Variants in MAST4 observed in about 807,000 individuals in gnomAD.
MAST4 encodes microtubule-associated serine/threonine-protein kinase 4.
In MAST4, 89 loss-of-function variants were observed where a neutral mutation model predicts 162.7. That is an observed-to-expected ratio of 0.55 (90% confidence interval 0.46 to 0.65). The LOEUF (loss-of-function observed/expected upper bound fraction) is 0.65. MAST4 is among the 30% of genes least tolerant of loss of function. MAST4 has a pLI of 0.00. For missense variants in MAST4, 3,153 were observed against 3,374.0 expected, an observed-to-expected ratio of 0.93 and a Z score of 1.62; for synonymous variants, 1,479 against 1,361.1, an observed-to-expected ratio of 1.09 and a Z score of -1.91.
chr5:67,077,394 C>T (rs1422203304), intron 5 of MAST4, among the ~76,000 whole-genome samples: 1 of 152,122 alleles, frequency 6.6e-6, no homozygotes, highest in Non-Finnish European at 1.5e-5. Context: ...GTTAAGATCA[C>T]TGTTCTAAAG....
chr5:67,028,667 A>G (rs764149893), intron 4 of MAST4, among the ~76,000 whole-genome samples: 2 of 152,164 alleles, frequency 1.3e-5, no homozygotes, highest in Non-Finnish European at 2.9e-5. Flanking sequence ...CCTGTTAGAC[A>G]ATGGTACCAA....
At chr5:66,997,562 G>C (rs889151142) in intron 4 of MAST4, among the ~76,000 whole-genome samples, 2 of 151,258 alleles carry the variant, frequency 1.3e-5, no homozygotes, top group Non-Finnish European at 2.9e-5. Context: ...CTCCCAACTA[G>C]CTGGGATTAC....
intron 4 of MAST4, among the ~76,000 whole-genome samples, chr5:66,908,077 T>C (rs180968685): frequency 6.6e-6 from 1 of 152,276 alleles, no homozygotes; most frequent in African/African-American, 2.4e-5. Context: ...GCATTTAAAG[T>C]GGCATGTTTA....
chr5:67,020,006 ATCTTTAATC>A (rs1753781537), intron 4 of MAST4, among the ~76,000 whole-genome samples: 2 of 152,206 alleles, frequency 1.3e-5, no homozygotes, highest in African/African-American at 4.8e-5. Context: ...TGAAAATAGA[ATCTTTAATC>A]TCTTGAGGGG....
intron 4 of MAST4, among the ~76,000 whole-genome samples, chr5:66,934,459 G>T (rs1742498462): frequency 6.6e-6 from 1 of 152,078 alleles, no homozygotes; most frequent in Non-Finnish European, 1.5e-5. Flanking sequence ...ACATGGCACT[G>T]AAATCATGGG....
intron 4 of MAST4, among the ~76,000 whole-genome samples, chr5:67,052,054 G>A (rs998179971): frequency 6.6e-6 from 1 of 152,126 alleles, no homozygotes; most frequent in Non-Finnish European, 1.5e-5. Context: ...TTGTCAATAA[G>A]ATATACCTTC....
intron 1 of MAST4, among the ~76,000 whole-genome samples, chr5:66,676,236 C>T (rs1443034854): frequency 3.3e-5 from 5 of 152,080 alleles, no homozygotes; most frequent in Non-Finnish European, 7.3e-5. Flanking sequence ...GTGGTGTGTC[C>T]GTGGAGGGGA....
At chr5:66,770,432 G>T (rs114758325) in intron 2 of MAST4, among the ~76,000 whole-genome samples, 16 of 152,258 alleles carry the variant, frequency 1.1e-4, no homozygotes, top group Middle Eastern at 3.4e-3. Flanking sequence ...GCCTTCTGCC[G>T]GAGCTCATCT....
chr5:67,142,806 CT>C (rs772732849), intron 21 of MAST4: 24 of 310,984 alleles, frequency 7.7e-5, no homozygotes, highest in Non-Finnish European at 1.2e-4. Context: ...CTCTGATCCC[CT>C]TCAGGAACCC....
intron 3 of MAST4, among the ~76,000 whole-genome samples, chr5:66,892,080 A>G (rs1561419994): frequency 2.6e-5 from 4 of 152,292 alleles, no homozygotes; most frequent in African/African-American, 9.6e-5. Context: ...AGCAAACATC[A>G]TTTTGCATCT....
At chr5:66,718,749 T>C (rs1407533793) in intron 1 of MAST4, among the ~76,000 whole-genome samples, 1 of 152,194 alleles carries the variant, frequency 6.6e-6, no homozygotes, top group Non-Finnish European at 1.5e-5. Context: ...TTATCCTCCT[T>C]GAATCTTCTT....
intron 4 of MAST4, among the ~76,000 whole-genome samples, chr5:66,980,827 T>C (rs1748713270): frequency 6.6e-6 from 1 of 152,214 alleles, no homozygotes; most frequent in Non-Finnish European, 1.5e-5. Flanking sequence ...GAATAAATGC[T>C]CTGGCTGGGC....
intron 6 of MAST4, among the ~76,000 whole-genome samples, chr5:67,092,568 G>A (rs1337222148): frequency 6.6e-6 from 1 of 151,940 alleles, no homozygotes; most frequent in Non-Finnish European, 1.5e-5. Flanking sequence ...TTTCCCTGGC[G>A]GTAAAATGGA....
intron 6 of MAST4, 150 bp from the exon 7 acceptor site, chr5:67,095,447 T>C: frequency 1.9e-6 from 1 of 533,170 alleles, no homozygotes; most frequent in East Asian, 2.8e-5. Flanking sequence ...TACTGTATAA[T>C]GTTTGTTTAC....
chr5:66,662,075 CT>C (rs34694800), intron 1 of MAST4, among the ~76,000 whole-genome samples: 166 of 144,256 alleles, frequency 1.2e-3, no homozygotes, highest in South Asian at 1.8e-3. Flanking sequence ...TAGTTAATCC[CT>C]TTTTTTTTTT....
At chr5:67,146,885 A>G (rs1185040183) in intron 23 of MAST4, among the ~76,000 whole-genome samples, 1 of 152,140 alleles carries the variant, frequency 6.6e-6, no homozygotes, top group Non-Finnish European at 1.5e-5. Flanking sequence ...TCATATGTAG[A>G]TATCTTGGTA....
At chr5:67,161,576 TAGC>T (rs1472837930) in intron 27 of MAST4, among the ~76,000 whole-genome samples, 1 of 152,102 alleles carries the variant, frequency 6.6e-6, no homozygotes, top group Non-Finnish European at 1.5e-5. Context: ...AACTAAAAAA[TAGC>T]AGTGTACAAA....
At chr5:66,793,110 T>G (rs1436424650) in intron 3 of MAST4, among the ~76,000 whole-genome samples, 2 of 152,246 alleles carry the variant, frequency 1.3e-5, no homozygotes, top group Non-Finnish European at 1.5e-5. Context: ...TAGGCAAGCT[T>G]GAAGGTATTG....
chr5:67,166,410 G>A lies in MAST4; in HGVS notation c.7231G>A (p.Gly2411Arg). Reference protein sequence around the residue: ...KGAERPAAGVGKGFPEARGKG... With the variant: ...KGAERPAAGVRKGFPEARGKG... ...CGCGGAGCGGCCAGCCGCGGGGGTG[G>A]GGAAGGGCTTCCCTGAGGCCAGAGG... Residue 2411 changes from glycine to arginine, a missense_variant, in exon 29 of 29, where the codon GGG becomes AGG. This residue lies in a region of MAST4 where 1,644 missense variants were observed against 1,495.0 expected (regional missense o/e 1.10). Transcript: ENST00000403625. 1 of 1,609,644 alleles carries A rather than the reference G, an allele frequency of 6.2e-7. No homozygotes were observed. The highest frequency in any genetic ancestry group is 8.5e-7 in the Non-Finnish European group (1 of 1,177,972).
Sources: allele counts gnomAD v4.1 joint callset (sites outside exome capture counted in the v4.1 genomes callset), GRCh38; gene constraint gnomAD v4.1.1; regional missense constraint gnomAD v4.1.1; transcripts MANE v1.5; gene names NCBI Gene and HGNC (gene_info 2026-07-23, HGNC 2026-07-21).